The following C1QTNF2 variants were observed in gnomAD, a reference collection of about 807,000 sequenced individuals.
The protein encoded by C1QTNF2 is C1q and TNF related 2, also known as complement C1q tumor necrosis factor-related protein 2.
Under a neutral mutation model 17.4 loss-of-function variants are expected in C1QTNF2, and 15 were observed. That is an observed-to-expected ratio of 0.86 (90% CI 0.58 to 1.33). The LOEUF is 1.33. Among genes scored for constraint, C1QTNF2 ranks in the 40% most tolerant of loss-of-function variants. The pLI, the probability that C1QTNF2 is intolerant of heterozygous loss-of-function variation, is 0.00. For missense variants in C1QTNF2, 381 were observed against 392.3 expected, an observed-to-expected ratio of 0.97 and a Z score of 0.24; for synonymous variants, 154 against 163.3, an observed-to-expected ratio of 0.94 and a Z score of 0.44.
At chr5:160,365,874 T>C (rs1248371346) in intron 1 of C1QTNF2, among the ~76,000 whole-genome samples, 3 of 152,382 alleles carry the variant, frequency 2.0e-5, no homozygotes, top group East Asian at 3.9e-4. Flanking sequence ...AAACTGTATT[T>C]ATGCTATAGC....
Position 160,349,024 on chromosome 5 carries a change from G to T in C1QTNF2, c.*144C>A. The T allele has an allele frequency of 1.0e-6, 1 of 968,440 alleles. No homozygotes were observed. Among genetic ancestry groups the T allele is most frequent in the Non-Finnish European group, 1.5e-6 (1 of 657,468 alleles). 60.0% of individuals were successfully genotyped at this position (968,440 alleles called of 1,614,324 possible). ...AATAAAAAGGTTTGGATTTAATGAA[G>T]GGGAAAAAAAGAGGCAGAGGAGGTG... On this transcript the variant is annotated 3_prime_UTR_variant, in exon 3 of 3. Coordinates refer to ENST00000652664, the MANE Select transcript of C1QTNF2 (RefSeq NM_031908.6). The surrounding 1 kb of genome is among the most constrained non-coding windows in gnomAD (Gnocchi z 4.3).
chr5:160,367,794 A>G (rs1764273301), intron 1 of C1QTNF2, among the ~76,000 whole-genome samples: 1 of 152,166 alleles, frequency 6.6e-6, no homozygotes, highest in Admixed American at 6.5e-5. Context: ...CATGCATCCC[A>G]TTCCTATATA....
At chr5:160,354,597 AGT>A (rs374101874) in intron 2 of C1QTNF2, among the ~76,000 whole-genome samples, 169 bp downstream of exon 2, 25,779 of 89,324 alleles carry the variant, frequency 0.29, 3,723 homozygotes, top group Middle Eastern at 0.54. Context: ...AAAAAAAAAA[AGT>A]ATATATATAT....
At chr5:160,354,597 A>AATATATATATAT (rs769774870) in intron 2 of C1QTNF2, among the ~76,000 whole-genome samples, 171 bp downstream of exon 2, 29 of 89,294 alleles carry the variant, frequency 3.2e-4, no homozygotes, top group African/African-American at 5.8e-4. Context: ...AAAAAAAAAA[A>AATATATATATAT]GTATATATAT....
intron 1 of C1QTNF2, among the ~76,000 whole-genome samples, chr5:160,363,759 G>A (rs76535685): frequency 2.7e-3 from 413 of 152,318 alleles, no homozygotes; most frequent in African/African-American, 9.5e-3. Context: ...GCTCTGGAGC[G>A]GCTGAAGACA....
rs1022141709 is a variant in C1QTNF2, at chr5:160,370,494, G to C, written c.-10+18C>G. On this transcript the variant is annotated intron_variant, in intron 1 of 2. Transcript: ENST00000652664. ...GCGCACTTGCCGCCCCCGCCCGACCGCGGTGCGGGACACTCACCCTCGCGG... is the reference window on the plus strand; with the variant it reads ...GCGCACTTGCCGCCCCCGCCCGACCCCGGTGCGGGACACTCACCCTCGCGG... 1.5e-5 allele frequency: 21 copies of C among 1,431,310 alleles called. No homozygotes were observed. The highest frequency in any genetic ancestry group is 1.9e-5 in the Non-Finnish European group (21 of 1,098,928). The allele number at this position is 1,431,310 out of a possible 1,614,324, so 88.7% of individuals were successfully genotyped here.
At chr5:160,354,591 AAAAAAAGT>A (rs1316990393) in intron 2 of C1QTNF2, among the ~76,000 whole-genome samples, 169 bp downstream of exon 2, 57 of 31,902 alleles carry the variant, frequency 1.8e-3, no homozygotes, top group Non-Finnish European at 1.5e-3. Context: ...GGGGAAAAAA[AAAAAAAGT>A]ATATATATAT....
At chr5:160,361,303 CTG>C (rs1764150065) in intron 1 of C1QTNF2, among the ~76,000 whole-genome samples, 1 of 152,192 alleles carries the variant, frequency 6.6e-6, no homozygotes, top group Admixed American at 6.5e-5. Context: ...TCTGCCCAGA[CTG>C]TGATGTGAGA....
chr5:160,354,433 G>C (rs1763987425), intron 2 of C1QTNF2, among the ~76,000 whole-genome samples: 1 of 151,316 alleles, frequency 6.6e-6, no homozygotes, highest in South Asian at 2.1e-4. Flanking sequence ...ACAAAAATTA[G>C]CCAGGAATGG....
rs114375239 is a variant in C1QTNF2, at chr5:160,352,690, G to A, written c.244+2078C>T. Among the ~76,000 whole-genome samples, 856 of 152,298 alleles carry A rather than the reference G, an allele frequency of 5.6e-3. 7 individuals carry two copies. Among genetic ancestry groups the A allele is most frequent in the African/African-American group, 0.019 (803 of 41,546 alleles). Reference sequence around the variant, plus strand: ...GCACATGTCCAGACCTGAGTCTGCCGCCGTGGTCAGGAAATTGGATATCAT... The same window carrying A: ...GCACATGTCCAGACCTGAGTCTGCCACCGTGGTCAGGAAATTGGATATCAT... On this transcript the variant is annotated intron_variant, in intron 2 of 2. Coordinates refer to ENST00000652664, the MANE Select transcript of C1QTNF2 (RefSeq NM_031908.6).
rs376900921 is a variant in C1QTNF2 at position 160,349,145 on chromosome 5, C to T, written c.*23G>A. The T allele has an allele frequency of 4.4e-6, 7 of 1,588,854 alleles. No homozygotes were observed. The African/African-American group carries it at 9.4e-5, about 21-fold the overall frequency. ...CCCAAGTCCAGAAGCTTGTTCCCTG[C>T]CTGGAGGACCGCCGTGGCATGTCTA... On this transcript the variant is annotated 3_prime_UTR_variant, in exon 3 of 3. Transcript: ENST00000652664. The surrounding 1 kb of genome is among the most constrained non-coding windows in gnomAD (Gnocchi z 4.3).
chr5:160,361,134 C>T (rs1561826665), intron 1 of C1QTNF2, among the ~76,000 whole-genome samples: 1 of 152,126 alleles, frequency 6.6e-6, no homozygotes, highest in Non-Finnish European at 1.5e-5. Flanking sequence ...CTGCCCAGTC[C>T]CTGGGCTTCT....
chr5:160,370,427 C>T (rs1008767564), intron 1 of C1QTNF2, 85 bp downstream of exon 1: 50 of 1,352,296 alleles, frequency 3.7e-5, no homozygotes, highest in Non-Finnish European at 4.4e-5. Context: ...CGCATCCCGC[C>T]CCGCCCGCAG....
chr5:160,353,738 G>C (rs551433569), intron 2 of C1QTNF2, among the ~76,000 whole-genome samples: 2 of 143,922 alleles, frequency 1.4e-5, no homozygotes, highest in East Asian at 4.5e-4. Flanking sequence ...AATGATATTT[G>C]AGCTCCTGGA....
At position 160,370,602 on chromosome 5, in the gene C1QTNF2, C is replaced by G. The variant is rs1374180908; in HGVS notation, c.-100G>C. The G allele has an allele frequency of 2.8e-6, 4 of 1,448,318 alleles. No individual in the cohort carries two copies. The highest frequency in any genetic ancestry group is 3.6e-6 in the Non-Finnish European group (4 of 1,104,752). The allele number at this position is 1,448,318 out of a possible 1,614,324, so 89.7% of individuals were successfully genotyped here. On this transcript the variant is annotated 5_prime_UTR_variant, in exon 1 of 3. Coordinates refer to ENST00000652664, the MANE Select transcript of C1QTNF2 (RefSeq NM_031908.6). ...CCCGGCTTTCCTCAGCGGCAGCAGC[C>G]GGGCAGAGCGTCGGCCCCAGGCATA...
intron 1 of C1QTNF2, among the ~76,000 whole-genome samples, chr5:160,357,031 C>G (rs1445703047): frequency 6.6e-6 from 1 of 152,182 alleles, no homozygotes; most frequent in African/African-American, 2.4e-5. Flanking sequence ...CTGCAAAAGG[C>G]CCCCATGGAA....
rs1447936236 is a variant in C1QTNF2, at chr5:160,349,585, A to G, written c.441T>C (p.His147=). The G allele has an allele frequency of 6.2e-7, 1 of 1,612,956 alleles. No homozygotes were observed. Among genetic ancestry groups the G allele is most frequent in the Non-Finnish European group, 8.5e-7 (1 of 1,179,908 alleles). The change falls in exon 3 of 3, where the codon CAT becomes CAC. Residue 147 remains histidine (H), a synonymous_variant. Coordinates refer to ENST00000652664, the MANE Select transcript of C1QTNF2 (RefSeq NM_031908.6). The surrounding 1 kb of genome is among the most constrained non-coding windows in gnomAD (Gnocchi z 4.3). ...LPGPCSCGSG[H]TKSAFSVAVT... is the part of the protein sequence containing the mutation. ...CTGCCACCGAGAAAGCTGACTTGGT[A>G]TGGCCACTGCCACAGCTGCAGGGGC...
chr5:160,370,624 CAT>C lies in C1QTNF2; in HGVS notation c.-124_-123del, dbSNP rs1554128287. ...AGCCGGGCAGAGCGTCGGCCCCAGG[CAT>C]AGTTTTCCCATCCCGTCATGGGCGG... is the stretch of plus-strand genomic sequence containing the variant. On this transcript the variant is annotated 5_prime_UTR_variant, in exon 1 of 3. It removes an upstream start codon present in the reference 5' UTR. Coordinates refer to ENST00000652664, the MANE Select transcript of C1QTNF2 (RefSeq NM_031908.6). 3 of 1,444,564 alleles carry C rather than the reference CAT, an allele frequency of 2.1e-6. No individual in the cohort carries two copies. Among genetic ancestry groups the C allele is most frequent in the Non-Finnish European group, 2.7e-6 (3 of 1,100,820 alleles). 89.5% of individuals were successfully genotyped at this position (1,444,564 alleles called of 1,614,324 possible).
Position 160,349,051 on chromosome 5 carries a change from G to C in C1QTNF2, c.*117C>G. On this transcript the variant is annotated 3_prime_UTR_variant, in exon 3 of 3. Coordinates refer to ENST00000652664, the MANE Select transcript of C1QTNF2 (RefSeq NM_031908.6). This position sits in a 1 kb window ranked among gnomAD's most constrained non-coding sequence, Gnocchi z 4.3. ...GGAAAAAAAGAGGCAGAGGAGGTGA[G>C]CCTGAGGCTAGAACCGCTCACTCGA... 7.8e-7 allele frequency: 1 copy of C among 1,286,848 alleles called. No individual in the cohort carries two copies. Among genetic ancestry groups the C allele is most frequent in the East Asian group, 2.3e-5 (1 of 42,560 alleles). The allele number at this position is 1,286,848 out of a possible 1,614,324, so 79.7% of individuals were successfully genotyped here.
Sources: allele counts gnomAD v4.1 joint callset (sites outside exome capture counted in the v4.1 genomes callset), GRCh38; gene constraint gnomAD v4.1.1; non-coding constraint Gnocchi (gnomAD v3.1); transcripts MANE v1.5; gene names NCBI Gene and HGNC (gene_info 2026-07-23, HGNC 2026-07-21).